The following TGM4 variants were observed in gnomAD, a reference collection of about 807,000 sequenced individuals.
TGM4 encodes the protein transglutaminase 4, also known as protein-glutamine gamma-glutamyltransferase 4.
A neutral mutation model predicts 76.3 loss-of-function variants in TGM4; 61 were observed. The ratio of observed to expected loss-of-function variants is 0.80; its 90% CI spans 0.65 to 0.99. TGM4 has a LOEUF of 0.99. TGM4 is among the 50% of genes least tolerant of loss of function. The pLI, the probability that TGM4 is intolerant of heterozygous loss-of-function variation, is 0.00. For missense variants in TGM4, 794 were observed against 843.2 expected, an observed-to-expected ratio of 0.94 and a Z score of 0.72; for synonymous variants, 337 against 329.8, an observed-to-expected ratio of 1.02 and a Z score of -0.24.
At chr3:44,896,674 G>A (rs1382395498) in intron 5 of TGM4, 35 bp from the exon 6 acceptor site, 4 of 1,605,416 alleles carry the variant, frequency 2.5e-6, no homozygotes, top group African/African-American at 2.7e-5. Context: ...ACAGGGCAAA[G>A]TCTTAACTGC....
Position 44,911,365 on chromosome 3 carries a change from G to A in TGM4, c.1872G>A (p.Leu624=). 6.2e-7 allele frequency: 1 copy of A among 1,614,226 alleles called. No homozygotes were observed. The highest frequency in any genetic ancestry group is 1.1e-5 in the South Asian group (1 of 91,082). ...CTTTGACTGACGTCAAGTTCTCTTT[G>A]GAAAGCCTGGGCATCTCCTCACTAC... ...AIPLTDVKFS[L]ESLGISSLQT... is the part of the protein sequence containing the mutation. Residue 624 remains leucine (L), a synonymous_variant, in exon 13 of 14, where the codon TTG becomes TTA. Transcript: ENST00000296125.
At chr3:44,883,527 C>T (rs1699560193) in intron 1 of TGM4, among the ~76,000 whole-genome samples, 1 of 152,178 alleles carries the variant, frequency 6.6e-6, no homozygotes, top group Non-Finnish European at 1.5e-5. Flanking sequence ...CTCAGGTATT[C>T]CATAACAGTG....
At chr3:44,901,767 A>T (rs1456252755) in intron 7 of TGM4, 26 bp from the exon 8 acceptor site, 1 of 1,613,184 alleles carries the variant, frequency 6.2e-7, no homozygotes, top group African/African-American at 1.3e-5. Context: ...CACAGTTGCC[A>T]ACCACCCCAC....
Position 44,887,758 on chromosome 3 carries a change from A to G in TGM4, c.263A>G (p.Asn88Ser), listed in dbSNP as rs1433814722. 6.2e-7 allele frequency: 1 copy of G among 1,614,086 alleles called. No homozygotes were observed. The highest frequency in any genetic ancestry group is 8.5e-7 in the Non-Finnish European group (1 of 1,180,036). The change falls in exon 3 of 14, where the codon AAC (asparagine) becomes AGC (serine). Residue 88 changes from asparagine to serine, a missense_variant. Asn to Ser is a conservative substitution (Grantham distance 46). Transcript: ENST00000296125. Reference protein sequence around the residue: ...LDPRTPSDHYNWQATLQNESG... With the variant: ...LDPRTPSDHYSWQATLQNESG... The stretch of plus-strand genomic sequence containing the variant: ...CCGAGGACGCCCTCAGACCACTACA[A>G]CTGGCAGGCAACCCTTCAAAATGAG...
chr3:44,878,132 C>G (rs1699473904), intron 1 of TGM4, among the ~76,000 whole-genome samples: 1 of 151,052 alleles, frequency 6.6e-6, no homozygotes, highest in African/African-American at 2.4e-5. Flanking sequence ...GCCTGGGAAA[C>G]AGAATGAGAC....
chr3:44,893,515 G>A (rs1312741592), intron 4 of TGM4, 62 bp from the exon 5 acceptor site: 16 of 1,448,834 alleles, frequency 1.1e-5, no homozygotes, highest in Admixed American at 8.4e-5. Context: ...AGTCCCCATT[G>A]GCAAGCCTGC....
Position 44,914,039 on chromosome 3 carries a change from T to C in TGM4, c.*314T>C. ...ATCCATAGATTTCGAAGCCACAGAG[T>C]CTCTCCCTGGAGCAGCAGACTATGG... is the stretch of plus-strand genomic sequence containing the variant. On this transcript the variant is annotated 3_prime_UTR_variant, in exon 14 of 14. Transcript: ENST00000296125. 1 of 261,718 alleles carries C rather than the reference T, an allele frequency of 3.8e-6. No homozygotes were observed. The highest frequency in any genetic ancestry group is 7.3e-6 in the Non-Finnish European group (1 of 137,584). 16.2% of individuals were successfully genotyped at this position (261,718 alleles called of 1,614,324 possible).
Position 44,890,734 on chromosome 3 carries a change from T to C in TGM4, c.430+2T>C, listed in dbSNP as rs999389089. 12 of 1,613,738 alleles carry C rather than the reference T, an allele frequency of 7.4e-6. No homozygotes were observed. In the African/African-American group the frequency reaches 1.6e-4, roughly 22 times the overall value. ...TTCTCTTCAACCCATGGTGTAAAGGTACTGTGAATCTCAGGTCTGCTGGGG... is the reference window on the plus strand; with the variant it reads ...TTCTCTTCAACCCATGGTGTAAAGGCACTGTGAATCTCAGGTCTGCTGGGG... On this transcript the variant is annotated splice_donor_variant, in intron 4 of 13. Coordinates refer to ENST00000296125, the MANE Select transcript of TGM4 (RefSeq NM_003241.4). LOFTEE classifies it high-confidence loss of function.
At chr3:44,910,468 T>A (rs1324364476) in intron 11 of TGM4, 100 bp downstream of exon 11, 2 of 1,409,150 alleles carry the variant, frequency 1.4e-6, no homozygotes, top group Non-Finnish European at 1.9e-6. Context: ...CATTGATAAA[T>A]TTTTGTGTGT....
At chr3:44,909,786 C>G (rs1404286580) in intron 10 of TGM4, among the ~76,000 whole-genome samples, 1 of 152,120 alleles carries the variant, frequency 6.6e-6, no homozygotes, top group Non-Finnish European at 1.5e-5. Context: ...TTATTATAAG[C>G]CTTTAGTTAA....
chr3:44,907,610 C>G (rs932097582), intron 10 of TGM4, among the ~76,000 whole-genome samples: 4 of 152,194 alleles, frequency 2.6e-5, no homozygotes, highest in Admixed American at 6.5e-5. Context: ...GGCTTTCTGG[C>G]CCCTGCAGAG....
In TGM4 at chr3:44,911,279, A is replaced by G; in HGVS notation, c.1786A>G (p.Thr596Ala). The change falls in exon 13 of 14, where the codon ACA becomes GCA. Residue 596 changes from threonine to alanine, a missense_variant. Physicochemically the swap from Thr to Ala is moderately conservative, Grantham distance 58 (BLOSUM62 0). Coordinates refer to ENST00000296125, the MANE Select transcript of TGM4 (RefSeq NM_003241.4). ...YPEFSIELPN[T>A]GRIGQLLVCN... ...CCCCACCCTACTACAGTTGCCTAAC[A>G]CAGGCAGAATTGGCCAGCTACTTGT... 6.2e-7 allele frequency: 1 copy of G among 1,614,204 alleles called. No individual in the cohort carries two copies. The highest frequency in any genetic ancestry group is 8.5e-7 in the Non-Finnish European group (1 of 1,180,032).
intron 1 of TGM4, among the ~76,000 whole-genome samples, chr3:44,877,721 G>C (rs1699469111): frequency 6.6e-6 from 1 of 152,158 alleles, no homozygotes; most frequent in Admixed American, 6.6e-5. Context: ...CTTTTTGTAG[G>C]AGTATCACTG....
chr3:44,888,784 C>A (rs548299609), intron 3 of TGM4: 1 of 152,150 alleles, frequency 6.6e-6, no homozygotes. Flanking sequence ...CCATTTCCTG[C>A]ACCCTGGAAG....
At chr3:44,894,743 G>A (rs538269754) in intron 5 of TGM4, among the ~76,000 whole-genome samples, 9 of 152,072 alleles carry the variant, frequency 5.9e-5, no homozygotes, top group Admixed American at 5.9e-4. Context: ...TGGACGCCTA[G>A]GACAGGATGG....
chr3:44,909,984 T>C, intron 10 of TGM4, 106 bp from the exon 11 acceptor site: 1 of 1,285,862 alleles, frequency 7.8e-7, no homozygotes, highest in Non-Finnish European at 1.1e-6. Flanking sequence ...CAGGGATGTC[T>C]CTGGAGTCCT....
At chr3:44,890,773 C>T (rs200148148) in intron 4 of TGM4, 41 bp downstream of exon 4, 328 of 1,608,938 alleles carry the variant, frequency 2.0e-4, no homozygotes, top group Non-Finnish European at 2.6e-4. Flanking sequence ...GGCAGGTGAC[C>T]CCGGCAAAAC....
chr3:44,903,860 G>A, intron 8 of TGM4, 24 bp from the exon 9 acceptor site: 2 of 1,611,298 alleles, frequency 1.2e-6, no homozygotes, highest in Non-Finnish European at 8.5e-7. Context: ...GTCCGGGGTG[G>A]GGCCCGTTCC....
At chr3:44,901,723 G>A in intron 7 of TGM4, 25 bp downstream of exon 7, 1 of 1,612,746 alleles carries the variant, frequency 6.2e-7, no homozygotes, top group Non-Finnish European at 8.5e-7. Context: ...CAGGGGCTGA[G>A]GGGAGAGGTC....
Sources: allele counts gnomAD v4.1 joint callset (sites outside exome capture counted in the v4.1 genomes callset), GRCh38; gene constraint gnomAD v4.1.1; transcripts MANE v1.5; gene names NCBI Gene and HGNC (gene_info 2026-07-23, HGNC 2026-07-21).